Variants in SPECC1 observed in about 807,000 individuals in gnomAD.
The protein encoded by SPECC1 is cytospin-B.
In SPECC1, 62 loss-of-function variants were observed where a neutral mutation model predicts 104.1. The ratio of observed to expected loss-of-function variants is 0.60; its 90% confidence interval spans 0.49 to 0.74. The LOEUF (loss-of-function observed/expected upper bound fraction) is 0.74, where lower values mean the gene tolerates loss of function less well. SPECC1 is among the 30% of genes least tolerant of loss of function. The probability of loss-of-function intolerance (pLI) is 0.00; values close to 1 mark genes in which losing one functional copy is unlikely to be tolerated. For missense variants in SPECC1, 1,306 were observed against 1,310.5 expected (o/e 1.00, Z 0.05); for synonymous variants, 513 against 501.6 (o/e 1.02, Z -0.30).
At chr17:20,030,189 T>C (rs1042883069) in intron 1 of SPECC1, among the ~76,000 whole-genome samples, 5 of 151,556 alleles carry the variant, frequency 3.3e-5, no homozygotes, top group Admixed American at 2.6e-4. Flanking sequence ...AATTATTTTA[T>C]TTATTTTTTT....
rs371116316 is a variant in SPECC1, at chr17:20,314,700, CA to C, written c.*644del. 5.8e-5 allele frequency: 11 copies of C among 189,912 alleles called. No individual in the cohort carries two copies. Among genetic ancestry groups the C allele is most frequent in the Non-Finnish European group, 8.3e-5 (8 of 96,604 alleles). 11.8% of individuals were successfully genotyped at this position (189,912 alleles called of 1,614,324 possible). A position where few individuals can be genotyped will look rare whatever the true frequency, so the allele number is the denominator to read the frequency against. On this transcript the variant is annotated 3_prime_UTR_variant, in exon 15 of 15. Transcript: ENST00000395527. ...AACCCTCCCTTCCCCCCTCCCCCCCCAAAAAAAAACAACAAAACACAAAAAA... is the reference window on the plus strand; with the variant it reads ...AACCCTCCCTTCCCCCCTCCCCCCCCAAAAAAAACAACAAAACACAAAAAA...
chr17:20,314,941 C>T lies in SPECC1; in HGVS notation c.*876C>T. ...TGGAGTCCCTGGGAGGTGCCCCACA[C>T]CTCTGCCACCAAAGTCTGTGTGCTC... On this transcript the variant is annotated 3_prime_UTR_variant, in exon 15 of 15. Transcript: ENST00000395527. The T allele has an allele frequency of 8.6e-6, 2 of 232,656 alleles. No individual in the cohort carries two copies. The highest frequency in any genetic ancestry group is 5.6e-5 in the Admixed American group (1 of 17,786). 14.4% of individuals were successfully genotyped at this position (232,656 alleles called of 1,614,324 possible). A position where few individuals can be genotyped will look rare whatever the true frequency, so the allele number is the denominator to read the frequency against.
rs377160290 is a variant in SPECC1, at chr17:20,219,150, CT to C, written c.1864-8259del. On this transcript the variant is annotated intron_variant, in intron 4 of 14. Transcript: ENST00000395527. The stretch of plus-strand genomic sequence containing the variant: ...TCTCTTTGATAGACTAATTTCCTTT[CT>C]TTTGGGTGTATACCCAGCAGTGTGA... Among the ~76,000 whole-genome samples the C allele has an allele frequency of 7.2e-5, 11 of 152,298 alleles. No individual in the cohort carries two copies. The South Asian group carries it at 2.3e-3, about 32-fold the overall frequency.
At chr17:20,010,855 T>A (rs1413462035) in intron 1 of SPECC1, among the ~76,000 whole-genome samples, 1 of 152,260 alleles carries the variant, frequency 6.6e-6, no homozygotes, top group Non-Finnish European at 1.5e-5. Context: ...TGTTTATGCC[T>A]AATTACTAAG....
At chr17:20,080,748 T>C (rs957336148) in intron 1 of SPECC1, among the ~76,000 whole-genome samples, 1 of 152,032 alleles carries the variant, frequency 6.6e-6, no homozygotes, top group African/African-American at 2.4e-5. Context: ...TGCGAGCCCT[T>C]ACTGCATGGG....
chr17:20,223,644 G>C (rs2038030226), intron 4 of SPECC1, among the ~76,000 whole-genome samples: 1 of 151,374 alleles, frequency 6.6e-6, no homozygotes. Flanking sequence ...CTGCACTCCA[G>C]CCTGGGCGAC....
chr17:20,060,955 T>G (rs2046164033), intron 1 of SPECC1, among the ~76,000 whole-genome samples: 1 of 152,244 alleles, frequency 6.6e-6, no homozygotes, highest in African/African-American at 2.4e-5. Flanking sequence ...GTGTTAGTAG[T>G]GCAAGTATAC....
intron 1 of SPECC1, among the ~76,000 whole-genome samples, chr17:20,021,049 T>C (rs1468970700): frequency 1.3e-5 from 2 of 152,226 alleles, no homozygotes; most frequent in African/African-American, 4.8e-5. Context: ...TAGAATAATG[T>C]AAGCTAGAGA....
chr17:20,078,170 T>C (rs1245634725), intron 1 of SPECC1, among the ~76,000 whole-genome samples: 1 of 150,470 alleles, frequency 6.6e-6, no homozygotes, highest in Admixed American at 6.6e-5. Flanking sequence ...TCATGTAATC[T>C]TGGGAGACAG....
intron 1 of SPECC1, among the ~76,000 whole-genome samples, chr17:20,071,686 T>C (rs2046559795): frequency 6.6e-6 from 1 of 152,234 alleles, no homozygotes; most frequent in Non-Finnish European, 1.5e-5. Context: ...GGTTTATTTA[T>C]AGATGCTATT....
intron 1 of SPECC1, among the ~76,000 whole-genome samples, chr17:20,085,837 A>G (rs1006043548): frequency 3.9e-5 from 6 of 152,204 alleles, no homozygotes; most frequent in Non-Finnish European, 4.4e-5. Flanking sequence ...TTCCCTGTTC[A>G]GTGGAGGGGA....
chr17:20,145,772 C>A (rs544156067), intron 3 of SPECC1, among the ~76,000 whole-genome samples: 1 of 152,258 alleles, frequency 6.6e-6, no homozygotes, highest in African/African-American at 2.4e-5. Context: ...GGGCCAGCTC[C>A]CTGGCAGGCA....
chr17:20,287,744 A>G (rs954673429), intron 12 of SPECC1, among the ~76,000 whole-genome samples: 3 of 139,772 alleles, frequency 2.1e-5, no homozygotes, highest in Admixed American at 6.9e-5. Context: ...CTAAGTACAC[A>G]TAGCTTTTTT....
intron 7 of SPECC1, chr17:20,239,362 T>G (rs2039088652): frequency 1.1e-6 from 1 of 872,896 alleles, no homozygotes; most frequent in Non-Finnish European, 1.4e-6. Context: ...ACATTTTTCT[T>G]TACTCATGAA....
chr17:20,172,638 C>T (rs2034175425), intron 3 of SPECC1, among the ~76,000 whole-genome samples: 1 of 152,084 alleles, frequency 6.6e-6, no homozygotes, highest in African/African-American at 2.4e-5. Flanking sequence ...CAGCCAGGTG[C>T]TGGGAGGGTT....
At chr17:20,247,072 C>T (rs573969331) in intron 8 of SPECC1, 147 bp from the exon 9 acceptor site, 17 of 538,932 alleles carry the variant, frequency 3.2e-5, no homozygotes, top group Admixed American at 7.3e-5. Flanking sequence ...AGCTCTAGTC[C>T]GGAGAAGAAA....
intron 3 of SPECC1, among the ~76,000 whole-genome samples, chr17:20,119,619 C>A (rs1011034927): frequency 3.9e-5 from 6 of 152,216 alleles, no homozygotes; most frequent in Non-Finnish European, 7.3e-5. Flanking sequence ...GTCATGCTGT[C>A]CCCAGACTGC....
rs533344733 is a variant in SPECC1 at position 20,318,973 on chromosome 17, AGT to A, written c.*4911_*4912del. 476 of 182,076 alleles carry A rather than the reference AGT, an allele frequency of 2.6e-3. 3 individuals are homozygous for A. The highest frequency in any genetic ancestry group is 2.9e-3 in the Non-Finnish European group (245 of 85,510). The allele number at this position is 182,076 out of a possible 1,614,324, so 11.3% of individuals were successfully genotyped here. ...AGATGTATTTAACTATTCATAGGAA[AGT>A]GTATGATAAATGACTGTAATATTTC... On this transcript the variant is annotated 3_prime_UTR_variant, in exon 15 of 15. Transcript: ENST00000395527.
At chr17:20,206,511 A>G (rs1336250408) in intron 4 of SPECC1, among the ~76,000 whole-genome samples, 2 of 152,200 alleles carry the variant, frequency 1.3e-5, no homozygotes, top group African/African-American at 2.4e-5. Context: ...TAGAAATATT[A>G]AAACTTTTCT....
Sources: gnomAD v4.1 joint callset for allele counts (sites outside exome capture counted in the v4.1 genomes callset) on GRCh38, gnomAD v4.1.1 for gene constraint, MANE v1.5 for transcripts, NCBI Gene and HGNC (gene_info 2026-07-23, HGNC 2026-07-21) for gene names.